The following CHSY3 variants were observed in gnomAD, a reference collection of about 807,000 sequenced individuals.
The protein encoded by CHSY3 is chondroitin sulfate synthase 3, also known as N-acetylgalactosaminyl-proteoglycan 3-beta-glucuronosyltransferase 3.
Under a neutral mutation model 67.2 loss-of-function variants are expected in CHSY3, and 35 were observed. The ratio of observed to expected loss-of-function variants is 0.52; its 90% CI spans 0.40 to 0.69. The LOEUF (loss-of-function observed/expected upper bound fraction) is 0.69, where lower values mean the gene tolerates loss of function less well. CHSY3 is among the 30% of genes least tolerant of loss of function. The pLI, the probability that CHSY3 is intolerant of heterozygous loss-of-function variation, is 0.00. For missense variants in CHSY3, 1,069 were observed against 1,138.5 expected, an observed-to-expected ratio of 0.94 and a Z score of 0.88; for synonymous variants, 474 against 434.7, an observed-to-expected ratio of 1.09 and a Z score of -1.12.
At chr5:129,919,704 A>G (rs997935176) in intron 2 of CHSY3, among the ~76,000 whole-genome samples, 11 of 152,318 alleles carry the variant, frequency 7.2e-5, no homozygotes, top group African/African-American at 2.6e-4. Context: ...TGGGAATTAT[A>G]GGAGCTACAA....
intron 2 of CHSY3, among the ~76,000 whole-genome samples, chr5:130,139,068 C>G (rs368163977): frequency 2.0e-5 from 3 of 152,250 alleles, no homozygotes; most frequent in Admixed American, 6.5e-5. Context: ...ACTGAATACT[C>G]TAGGCAACAG....
At chr5:129,934,449 C>T (rs1461968448) in intron 2 of CHSY3, among the ~76,000 whole-genome samples, 3 of 151,900 alleles carry the variant, frequency 2.0e-5, no homozygotes, top group African/African-American at 7.3e-5. Flanking sequence ...AGTTGATAGG[C>T]ATAGAGTAAA....
At chr5:130,006,585 C>T (rs1400580591) in intron 2 of CHSY3, among the ~76,000 whole-genome samples, 1 of 151,982 alleles carries the variant, frequency 6.6e-6, no homozygotes, top group Non-Finnish European at 1.5e-5. Context: ...TTTCTGAATG[C>T]AATATTGGAT....
intron 2 of CHSY3, among the ~76,000 whole-genome samples, chr5:130,107,362 A>C (rs771095149): frequency 6.6e-6 from 1 of 151,304 alleles, no homozygotes; most frequent in Non-Finnish European, 1.5e-5. Context: ...TACTCAGCAA[A>C]AGAGTAGTAT....
At chr5:130,044,887 T>A (rs1023634282) in intron 2 of CHSY3, among the ~76,000 whole-genome samples, 6 of 152,102 alleles carry the variant, frequency 3.9e-5, no homozygotes, top group Non-Finnish European at 7.4e-5. Flanking sequence ...CTTCAATAGA[T>A]CTTCAAGGAT....
intron 2 of CHSY3, among the ~76,000 whole-genome samples, chr5:130,183,826 A>C (rs1437711918): frequency 6.6e-6 from 1 of 152,066 alleles, no homozygotes; most frequent in African/African-American, 2.4e-5. Context: ...AATTCAAGTG[A>C]TCTATTGAAT....
At chr5:130,002,400 C>T (rs993463855) in intron 2 of CHSY3, among the ~76,000 whole-genome samples, 3 of 152,024 alleles carry the variant, frequency 2.0e-5, no homozygotes, top group Admixed American at 2.0e-4. Flanking sequence ...TGGATGTGCC[C>T]CAGTTGCGCA....
chr5:130,008,679 A>G (rs1369438857), intron 2 of CHSY3, among the ~76,000 whole-genome samples: 1 of 152,234 alleles, frequency 6.6e-6, no homozygotes, highest in East Asian at 1.9e-4. Flanking sequence ...AAGATCATTG[A>G]AATTCAGGAG....
chr5:130,101,489 T>C (rs1233783004), intron 2 of CHSY3, among the ~76,000 whole-genome samples: 2 of 152,136 alleles, frequency 1.3e-5, no homozygotes, highest in African/African-American at 4.8e-5. Flanking sequence ...ATTATATATA[T>C]TTATAGTGTA....
At chr5:130,177,761 C>T (rs1770100158) in intron 2 of CHSY3, among the ~76,000 whole-genome samples, 1 of 151,830 alleles carries the variant, frequency 6.6e-6, no homozygotes, top group African/African-American at 2.4e-5. Context: ...ATAGAATAAG[C>T]CCTTTGAATT....
intron 2 of CHSY3, among the ~76,000 whole-genome samples, chr5:130,143,792 A>ATATATATATATGTGTG (rs1561557259): frequency 5.7e-5 from 5 of 88,296 alleles, no homozygotes; most frequent in Non-Finnish European, 1.0e-4. Flanking sequence ...GTGTATATAT[A>ATATATATATATGTGTG]TATATATATA....
At chr5:129,908,555 G>A (rs1002971855) in intron 2 of CHSY3, among the ~76,000 whole-genome samples, 195 bp downstream of exon 2, 1 of 152,068 alleles carries the variant, frequency 6.6e-6, no homozygotes, top group African/African-American at 2.4e-5. Context: ...TTTGTTATTA[G>A]CATGCCCCTT....
chr5:130,169,859 A>G (rs1482898924), intron 2 of CHSY3, among the ~76,000 whole-genome samples: 1 of 152,134 alleles, frequency 6.6e-6, no homozygotes, highest in Non-Finnish European at 1.5e-5. Context: ...GTATGATTTT[A>G]TGCGTGATCA....
At chr5:129,906,459 G>T (rs147555707) in intron 1 of CHSY3, among the ~76,000 whole-genome samples, 2 of 152,294 alleles carry the variant, frequency 1.3e-5, no homozygotes, top group African/African-American at 2.4e-5. Context: ...AGTGCATTTT[G>T]TTGGCCGCGG....
At chr5:129,947,380 T>C (rs995455716) in intron 2 of CHSY3, among the ~76,000 whole-genome samples, 1 of 152,012 alleles carries the variant, frequency 6.6e-6, no homozygotes, top group Non-Finnish European at 1.5e-5. Flanking sequence ...TCCCAGCACT[T>C]TGGGAGGCTG....
At chr5:129,983,656 A>C (rs1298393314) in intron 2 of CHSY3, among the ~76,000 whole-genome samples, 1 of 152,074 alleles carries the variant, frequency 6.6e-6, no homozygotes, top group South Asian at 2.1e-4. Flanking sequence ...TACTAATGAC[A>C]GAACTATGAA....
intron 2 of CHSY3, among the ~76,000 whole-genome samples, chr5:129,928,918 A>G (rs543630213): frequency 2.6e-5 from 4 of 152,280 alleles, no homozygotes; most frequent in South Asian, 2.1e-4. Flanking sequence ...AAATTTAATA[A>G]CTTGCCCAAG....
At chr5:130,155,108 T>C (rs772065683) in intron 2 of CHSY3, among the ~76,000 whole-genome samples, 30 of 152,220 alleles carry the variant, frequency 2.0e-4, no homozygotes, top group Admixed American at 5.9e-4. Flanking sequence ...AATCTGAAGA[T>C]GAGGTCTGTA....
At chr5:130,141,962 T>C (rs537069501) in intron 2 of CHSY3, 1 of 211,836 alleles carries the variant, frequency 4.7e-6, no homozygotes, top group Admixed American at 5.6e-5. Flanking sequence ...TCAGCTCAAG[T>C]ATAGATGTAG....
Sources: allele counts gnomAD v4.1 joint callset (sites outside exome capture counted in the v4.1 genomes callset), GRCh38; gene constraint gnomAD v4.1.1; transcripts MANE v1.5; gene names NCBI Gene and HGNC (gene_info 2026-07-23, HGNC 2026-07-21).